Variants in PRR16 observed in about 807,000 individuals in gnomAD.
The protein encoded by PRR16 is protein Largen.
Under a neutral mutation model 18.2 loss-of-function variants are expected in PRR16, and 6 were observed. The observed-to-expected ratio is 0.33, with a 90% CI of 0.18 to 0.65. PRR16 has a LOEUF of 0.65. Among genes scored for constraint, PRR16 ranks in the 30% least tolerant of loss-of-function variants. The pLI, the probability that PRR16 is intolerant of heterozygous loss-of-function variation, is 0.74. For missense variants in PRR16, 412 were observed against 376.6 expected (o/e 1.09, Z -0.78); for synonymous variants, 151 against 147.8 (o/e 1.02, Z -0.16).
chr5:120,695,863 G>T, the PRR16 span, among the ~76,000 whole-genome samples: 1 of 151,776 alleles, frequency 6.6e-6, no homozygotes, highest in Non-Finnish European at 1.5e-5. Flanking sequence ...TTGCTCTGTA[G>T]ATTTTCACCA....
intron 1 of PRR16, among the ~76,000 whole-genome samples, chr5:120,509,893 G>GT (rs1051773549): frequency 1.3e-5 from 2 of 151,928 alleles, no homozygotes; most frequent in South Asian, 2.1e-4. Flanking sequence ...AGGTCTTCAA[G>GT]TTTTTTTTCT....
At chr5:120,765,122 G>T in the PRR16 span, among the ~76,000 whole-genome samples, 1 of 121,870 alleles carries the variant, frequency 8.2e-6, no homozygotes, top group Non-Finnish European at 1.7e-5. Flanking sequence ...CACCATAAAA[G>T]AGAACAAAAT....
the PRR16 span, among the ~76,000 whole-genome samples, chr5:120,785,915 A>G: frequency 6.7e-6 from 1 of 149,476 alleles, no homozygotes; most frequent in African/African-American, 2.5e-5. Context: ...AAAGTTACCC[A>G]TTTGCTTTTT....
the PRR16 span, among the ~76,000 whole-genome samples, chr5:120,755,624 G>T: frequency 1.3e-5 from 2 of 151,980 alleles, no homozygotes; most frequent in Admixed American, 6.6e-5. Context: ...TCTTTATCCA[G>T]TCCACTGTCG....
At chr5:120,568,067 C>T (rs1752790998) in intron 1 of PRR16, among the ~76,000 whole-genome samples, 2 of 152,130 alleles carry the variant, frequency 1.3e-5, no homozygotes, top group Non-Finnish European at 1.5e-5. Flanking sequence ...TTAGTAGTAC[C>T]TTCTGGACAA....
At chr5:120,603,047 A>C (rs2112793070) in intron 1 of PRR16, among the ~76,000 whole-genome samples, 1 of 152,010 alleles carries the variant, frequency 6.6e-6, no homozygotes, top group African/African-American at 2.4e-5. Context: ...GTCTCTGCCA[A>C]GTTTTAGTAT....
chr5:120,634,931 G>A (rs1022708302), intron 1 of PRR16, among the ~76,000 whole-genome samples: 1 of 151,978 alleles, frequency 6.6e-6, no homozygotes, highest in Non-Finnish European at 1.5e-5. Context: ...GAGAACAGGA[G>A]ATATTGCAGC....
the PRR16 span, among the ~76,000 whole-genome samples, chr5:120,786,155 C>T: frequency 1.4e-5 from 2 of 147,792 alleles, no homozygotes; most frequent in African/African-American, 5.0e-5. Context: ...TTTTATGAGT[C>T]ACAAAATCTT....
At chr5:120,714,301 G>A in the PRR16 span, among the ~76,000 whole-genome samples, 1 of 152,146 alleles carries the variant, frequency 6.6e-6, no homozygotes, top group South Asian at 2.1e-4. Context: ...AGAAGGTATT[G>A]TGATCAAAAT....
chr5:120,617,338 G>C, intron 1 of PRR16: 2 of 210,456 alleles, frequency 9.5e-6, no homozygotes, highest in Non-Finnish European at 1.6e-5. Context: ...GAATATTAAA[G>C]TTATCAAGTG....
In PRR16 at chr5:120,512,897, A is replaced by G. The variant is rs138748259; in HGVS notation, c.159+48252A>G. 5.2e-3 allele frequency among the ~76,000 whole-genome samples: 789 copies of G among 152,282 alleles called. 3 individuals are homozygous for G. The highest frequency in any genetic ancestry group is 0.019 in the South Asian group (90 of 4,826). ...GACGTGGTCAGGACTCACATACTAT[A>G]TAGATAAGCATAATGAAGGTGCAGA... is the stretch of plus-strand genomic sequence containing the variant. On this transcript the variant is annotated intron_variant, in intron 1 of 1. Coordinates refer to ENST00000407149, the MANE Select transcript of PRR16 (RefSeq NM_001300783.2).
At chr5:120,475,181 G>A (rs543764444) in intron 1 of PRR16, among the ~76,000 whole-genome samples, 16 of 152,248 alleles carry the variant, frequency 1.1e-4, no homozygotes, top group Non-Finnish European at 2.1e-4. Context: ...CAGACAGAGA[G>A]GTTAATTAAG....
chr5:120,556,609 T>C (rs932237003), intron 1 of PRR16, among the ~76,000 whole-genome samples: 2 of 151,952 alleles, frequency 1.3e-5, no homozygotes, highest in Non-Finnish European at 1.5e-5. Context: ...TCTCAACAGT[T>C]TCATCTTTGC....
chr5:120,613,793 T>C (rs1271357755), intron 1 of PRR16, among the ~76,000 whole-genome samples: 2 of 152,186 alleles, frequency 1.3e-5, no homozygotes, highest in African/African-American at 4.8e-5. Flanking sequence ...TCCAGGCATA[T>C]ATGGCTCCTT....
intron 1 of PRR16, among the ~76,000 whole-genome samples, chr5:120,559,086 A>G (rs143104213): frequency 3.3e-5 from 5 of 151,784 alleles, no homozygotes; most frequent in Admixed American, 6.6e-5. Context: ...CTCCCCTTCT[A>G]TGTGTTGTCT....
intron 1 of PRR16, among the ~76,000 whole-genome samples, chr5:120,484,881 G>A (rs1296392379): frequency 6.6e-6 from 1 of 151,110 alleles, no homozygotes; most frequent in Non-Finnish European, 1.5e-5. Flanking sequence ...GTTTTAAAGA[G>A]TATACATACA....
At chr5:120,745,862 G>A in the PRR16 span, among the ~76,000 whole-genome samples, 102 of 128,116 alleles carry the variant, frequency 8.0e-4, no homozygotes, top group African/African-American at 3.1e-3. Flanking sequence ...CCACGCCCGG[G>A]TAATTTTTTT....
chr5:120,674,905 T>C (rs551534827), intron 1 of PRR16, among the ~76,000 whole-genome samples: 1 of 151,986 alleles, frequency 6.6e-6, no homozygotes, highest in South Asian at 2.1e-4. Context: ...AATTTAACAT[T>C]TGTTTTATAT....
chr5:120,474,378 A>G (rs2112802183), intron 1 of PRR16, among the ~76,000 whole-genome samples: 1 of 152,256 alleles, frequency 6.6e-6, no homozygotes, highest in East Asian at 1.9e-4. Context: ...GTGACAATGG[A>G]AAATGTTTCT....
Sources: allele counts gnomAD v4.1 joint callset (sites outside exome capture counted in the v4.1 genomes callset), GRCh38; gene constraint gnomAD v4.1.1; transcripts MANE v1.5; gene names NCBI Gene and HGNC (gene_info 2026-07-23, HGNC 2026-07-21).